The following CYLC1 variants were observed in gnomAD, a reference collection of about 807,000 sequenced individuals.
CYLC1 encodes the protein cylicin 1, also known as cylicin-1.
In CYLC1, 2 loss-of-function variants were observed where a neutral mutation model predicts 31.6. That is an observed-to-expected ratio of 0.06 (90% confidence interval 0.03 to 0.20). CYLC1 has a LOEUF of 0.20. Among genes scored for constraint, CYLC1 ranks in the 10% least tolerant of loss-of-function variants. CYLC1 has a pLI of 1.00. For missense variants in CYLC1, 595 were observed against 424.1 expected (o/e 1.40, Z -3.54); for synonymous variants, 185 against 153.0 (o/e 1.21, Z -1.54).
chrX:83,886,436 C>T (rs1176192613), intron 4 of CYLC1, 116 bp from the exon 5 acceptor site: 3 of 662,617 alleles, frequency 4.5e-6, no homozygotes, highest in East Asian at 3.5e-5. Context: ...ATCCAAGTTC[C>T]CTTTCAACTA....
Position 83,873,094 on chromosome X carries a change from A to C in CYLC1, c.386A>C (p.Lys129Thr). ...GAAAAAGGAGGAACACCTTTGAAGA[A>C]AGATTCCAAGAAAAAAGGAGGTTCA... ...KDEKGGTPLK[K>T]DSKKKGGSYA... Residue 129 changes from lysine (K) to threonine (T), a missense_variant, in exon 4 of 5, where the codon AAA becomes ACA. By Grantham distance (78) the Lys-to-Thr change is moderately conservative. Transcript: ENST00000329312. 9 of 1,194,719 alleles carry C rather than the reference A, an allele frequency of 7.5e-6. No individual in the cohort carries two copies. Among genetic ancestry groups the C allele is most frequent in the Non-Finnish European group, 1.0e-5 (9 of 889,088 alleles).
intron 1 of CYLC1, 44 bp downstream of exon 1, chrX:83,861,243 A>G: frequency 1.0e-6 from 1 of 959,532 alleles, no homozygotes; most frequent in Non-Finnish European, 1.5e-6. Context: ...TAAATAGCCA[A>G]TATGCTCAAT....
chrX:83,869,937 C>A, intron 2 of CYLC1, 32 bp downstream of exon 2: 4 of 760,819 alleles, frequency 5.3e-6, no homozygotes, highest in East Asian at 4.6e-5. Flanking sequence ...TTTAATATTT[C>A]TTAGATTGGA....
At chrX:83,862,404 G>A (rs1308560202) in intron 1 of CYLC1, among the ~76,000 whole-genome samples, 3 of 108,497 alleles carry the variant, frequency 2.8e-5, no homozygotes, top group African/African-American at 1.0e-4. Flanking sequence ...TCAGCCGGGC[G>A]TGGTGGCAGG....
Position 83,874,300 on chromosome X carries a change from G to A in CYLC1, c.1592G>A (p.Gly531Asp). Residue 531 changes from glycine to aspartate, a missense_variant, in exon 4 of 5, where the codon GGC becomes GAC. Transcript: ENST00000329312. ...GAATTTGATGAATCTTCCAAGACAG[G>A]CTTTAAAACATCTACAAAAATCAAA... ...DAEFDESSKT[G>D]FKTSTKIKGS... is the part of the protein sequence containing the mutation. 3.3e-6 allele frequency: 4 copies of A among 1,209,459 alleles called. No individual in the cohort carries two copies. Among genetic ancestry groups the A allele is most frequent in the Non-Finnish European group, 4.5e-6 (4 of 894,484 alleles).
At chrX:83,867,827 A>G (rs2031611807) in intron 1 of CYLC1, among the ~76,000 whole-genome samples, 1 of 111,769 alleles carries the variant, frequency 8.9e-6, no homozygotes, top group African/African-American at 3.2e-5. Flanking sequence ...CCCTTTTGTC[A>G]TATAAGATAA....
chrX:83,880,536 T>C (rs1021101043), intron 4 of CYLC1, among the ~76,000 whole-genome samples: 2 of 111,745 alleles, frequency 1.8e-5, no homozygotes, highest in African/African-American at 6.5e-5. Flanking sequence ...AATTTGGATT[T>C]AAATCCTTGC....
chrX:83,873,335 A>G lies in CYLC1; in HGVS notation c.627A>G (p.Thr209=), dbSNP rs1271724279. ...AAGATTCAAAGAATTCCAAGAAGAC[A>G]AACACTGAATTCCTACATACAAAGA... The part of the protein sequence containing the change: ...DKKDSKNSKK[T]NTEFLHTKNN... Residue 209 remains threonine (T), a synonymous_variant, in exon 4 of 5, where the codon ACA becomes ACG. Transcript: ENST00000329312. The G allele has an allele frequency of 8.3e-7, 1 of 1,204,023 alleles. No individual in the cohort carries two copies. Among genetic ancestry groups the G allele is most frequent in the Admixed American group, 2.2e-5 (1 of 45,336 alleles).
At chrX:83,881,620 A>C (rs1018130895) in intron 4 of CYLC1, among the ~76,000 whole-genome samples, 2 of 110,443 alleles carry the variant, frequency 1.8e-5, no homozygotes, top group African/African-American at 6.6e-5. Flanking sequence ...TTCATGAATT[A>C]TTGGGTACCA....
At position 83,885,385 on chromosome X, in the gene CYLC1, G is replaced by A. The variant is rs184317697; in HGVS notation, c.1924-1167G>A. On this transcript the variant is annotated intron_variant, in intron 4 of 4. Coordinates refer to ENST00000329312, the MANE Select transcript of CYLC1 (RefSeq NM_021118.3). ...AATTTATACAGGAGGAAATAAATATGAGGCAAAATCATAAAAATATATTGA... is the reference window on the plus strand; with the variant it reads ...AATTTATACAGGAGGAAATAAATATAAGGCAAAATCATAAAAATATATTGA... Among the ~76,000 whole-genome samples the A allele has an allele frequency of 4.5e-3, 497 of 110,086 alleles. 1 individual carries two copies. The highest frequency in any genetic ancestry group is 7.2e-3 in the Non-Finnish European group (379 of 52,585).
At chrX:83,878,499 T>TATAAATATATATATAAATATATATAAATA (rs2031861086) in intron 4 of CYLC1, among the ~76,000 whole-genome samples, 1 of 11,342 alleles carries the variant, frequency 8.8e-5, no homozygotes, top group Non-Finnish European at 2.0e-4. Flanking sequence ...ATATATATAT[T>TATAAATATATATATAAATATATATAAATA]TTCATACATG....
chrX:83,884,602 C>G (rs1467258433), intron 4 of CYLC1, among the ~76,000 whole-genome samples: 1 of 110,990 alleles, frequency 9.0e-6, no homozygotes, highest in African/African-American at 3.3e-5. Flanking sequence ...CCAAACACCA[C>G]CTGTTCCCCA....
At chrX:83,870,588 G>A (rs2031649566) in intron 2 of CYLC1, among the ~76,000 whole-genome samples, 1 of 111,621 alleles carries the variant, frequency 9.0e-6, no homozygotes, top group African/African-American at 3.2e-5. Flanking sequence ...AAGCATTGTT[G>A]TAAAGATTAA....
intron 2 of CYLC1, among the ~76,000 whole-genome samples, chrX:83,870,687 T>C (rs901292591): frequency 9.0e-6 from 1 of 111,516 alleles, no homozygotes; most frequent in Non-Finnish European, 1.9e-5. Context: ...GTTATTACTA[T>C]GACTACTTTT....
intron 4 of CYLC1, among the ~76,000 whole-genome samples, chrX:83,882,312 A>G (rs1361125280): frequency 9.0e-6 from 1 of 110,837 alleles, no homozygotes; most frequent in Non-Finnish European, 1.9e-5. Flanking sequence ...TGTTTTTAAT[A>G]TATTTGCCAA....
intron 4 of CYLC1, among the ~76,000 whole-genome samples, chrX:83,878,073 T>C (rs1217993791): frequency 1.6e-5 from 1 of 60,824 alleles, no homozygotes; most frequent in African/African-American, 6.8e-5. Context: ...TAAATATATA[T>C]ATAAAAATAT....
At position 83,873,045 on chromosome X, in the gene CYLC1, G is replaced by T. The variant is rs1233030752; in HGVS notation, c.337G>T (p.Ala113Ser). ...LYTSKTHLKK[A>S]EYKKSKDEKG... ...TACTTCCAAAACCCATCTTAAAAAA[G>T]CAGAATATAAAAAGTCCAAAGATGA... Residue 113 changes from alanine to serine, a missense_variant, in exon 4 of 5, where the codon GCA (alanine) becomes TCA (serine). Physicochemically the swap from Ala to Ser is moderately conservative, Grantham distance 99. Coordinates refer to ENST00000329312, the MANE Select transcript of CYLC1 (RefSeq NM_021118.3). 2.3e-5 allele frequency: 28 copies of T among 1,198,927 alleles called. No individual in the cohort carries two copies. Among genetic ancestry groups the T allele is most frequent in the Non-Finnish European group, 3.1e-5 (28 of 890,966 alleles).
intron 4 of CYLC1, among the ~76,000 whole-genome samples, chrX:83,876,917 T>C (rs185275788): frequency 1.6e-3 from 177 of 111,379 alleles, no homozygotes; most frequent in African/African-American, 5.1e-3. Flanking sequence ...ATATTATCTA[T>C]GTATTGATGA....
At position 83,881,417 on chromosome X, in the gene CYLC1, G is replaced by A. The variant is rs1446905361; in HGVS notation, c.1924-5135G>A. ...TTTCAAATTGTATGGCTAGCATAGT[G>A]GGATGAATTTGTCATTTCTTAGTTG... On this transcript the variant is annotated intron_variant, in intron 4 of 4. Transcript: ENST00000329312. 2.7e-5 allele frequency among the ~76,000 whole-genome samples: 3 copies of A among 109,760 alleles called. No homozygotes were observed. The Admixed American group carries it at 3.0e-4, about 11-fold the overall frequency.
Sources: allele counts gnomAD v4.1 joint callset (sites outside exome capture counted in the v4.1 genomes callset), GRCh38; gene constraint gnomAD v4.1.1; transcripts MANE v1.5; gene names NCBI Gene and HGNC (gene_info 2026-07-23, HGNC 2026-07-21).